TCF7L1: variants seen among roughly 807,000 people sequenced by gnomAD.
The protein encoded by TCF7L1 is transcription factor 7-like 1.
Under a neutral mutation model 63.7 loss-of-function variants are expected in TCF7L1, and 18 were observed. The ratio of observed to expected loss-of-function variants is 0.28; its 90% confidence interval spans 0.20 to 0.42. The LOEUF is 0.42. TCF7L1 is among the 10% of genes least tolerant of loss of function. The pLI is 1.00. For synonymous variants in TCF7L1, 355 were observed against 340.9 expected, an observed-to-expected ratio of 1.04 and a Z score of -0.46; for missense variants, 654 against 779.3, an observed-to-expected ratio of 0.84 and a Z score of 1.91.
intron 3 of TCF7L1, among the ~76,000 whole-genome samples, chr2:85,250,190 T>C (rs1680557431): frequency 6.6e-6 from 1 of 152,136 alleles, no homozygotes; most frequent in African/African-American, 2.4e-5. Context: ...ATGATGTAAA[T>C]ACTCTCCCTG....
intron 3 of TCF7L1, among the ~76,000 whole-genome samples, chr2:85,242,974 A>G (rs146308892): frequency 2.8e-3 from 426 of 152,266 alleles, no homozygotes; most frequent in African/African-American, 9.8e-3. Flanking sequence ...AGCAAGTCTT[A>G]AAGATCTCGA....
At chr2:85,270,783 G>A (rs769548835) in intron 3 of TCF7L1, among the ~76,000 whole-genome samples, 8 of 151,864 alleles carry the variant, frequency 5.3e-5, no homozygotes, top group Middle Eastern at 3.4e-3. Context: ...TCGAGCTCGA[G>A]GGCTGAGTCG....
intron 3 of TCF7L1, among the ~76,000 whole-genome samples, chr2:85,185,764 G>T (rs1678904187): frequency 6.6e-6 from 1 of 152,204 alleles, no homozygotes; most frequent in Non-Finnish European, 1.5e-5. Context: ...GCCTGTGGCG[G>T]GTTTTTGTGA....
rs55964315 is a variant in TCF7L1, at chr2:85,144,417, C to CAAA, written c.441+9982_441+9984dup. Among the ~76,000 whole-genome samples, 115 of 94,860 alleles carry CAAA rather than the reference C, an allele frequency of 1.2e-3. 1 individual carries two copies. Among genetic ancestry groups the CAAA allele is most frequent in the African/African-American group, 3.5e-3 (88 of 25,470 alleles). The allele number at this position is 94,860 out of a possible 152,430, so 62.2% of individuals were successfully genotyped here. A position where few individuals can be genotyped will look rare whatever the true frequency, so the allele number is the denominator to read the frequency against. On this transcript the variant is annotated intron_variant, in intron 3 of 11. Transcript: ENST00000282111. ...GTAACTTGGCAAAACCCTGTCTCTACAAAAAAAAAAAAAAAAACAAAAACC... is the reference window on the plus strand; with the variant it reads ...GTAACTTGGCAAAACCCTGTCTCTACAAAAAAAAAAAAAAAAAAAACAAAAACC...
chr2:85,243,157 C>T (rs1392764111), intron 3 of TCF7L1, among the ~76,000 whole-genome samples: 4 of 152,150 alleles, frequency 2.6e-5, no homozygotes, highest in African/African-American at 7.2e-5. Context: ...CACGCAGTTT[C>T]GAAAGAACTA....
chr2:85,275,716 C>G (rs760417519), intron 3 of TCF7L1, among the ~76,000 whole-genome samples: 8 of 151,870 alleles, frequency 5.3e-5, no homozygotes, highest in African/African-American at 1.9e-4. Flanking sequence ...CTCAGGAGTT[C>G]GAGACCAGCC....
At position 85,309,235 on chromosome 2, in the gene TCF7L1, C is replaced by A. The variant is rs531191876; in HGVS notation, c.1540C>A (p.Gln514Lys). Residue 514 changes from glutamine to lysine, a missense_variant, in exon 12 of 12, where the codon CAG becomes AAG. Transcript: ENST00000282111. ...CACCACCAAACCAGAAACCCGGGCC[C>A]AGCTGGCTCTCCACTCTGCCGCCTT... ...SLTTKPETRA[Q>K]LALHSAAFLS... 1.9e-6 allele frequency: 3 copies of A among 1,614,102 alleles called. No individual in the cohort carries two copies. In the East Asian group the frequency reaches 6.7e-5, roughly 36 times the overall value.
At chr2:85,225,892 A>G (rs1206285927) in intron 3 of TCF7L1, among the ~76,000 whole-genome samples, 20 of 152,248 alleles carry the variant, frequency 1.3e-4, no homozygotes, top group Admixed American at 1.3e-3. Context: ...TTGCTCATTC[A>G]GTATGATATT....
intron 3 of TCF7L1, among the ~76,000 whole-genome samples, chr2:85,215,454 G>A (rs1348564919): frequency 6.6e-6 from 1 of 152,214 alleles, no homozygotes; most frequent in Non-Finnish European, 1.5e-5. Context: ...ACAGTTGGGT[G>A]GGCTCCAGGG....
At position 85,237,481 on chromosome 2, in the gene TCF7L1, T is replaced by C. The variant is rs1376038324; in HGVS notation, c.442-46014T>C. On this transcript the variant is annotated intron_variant, in intron 3 of 11. Transcript: ENST00000282111. The stretch of plus-strand genomic sequence containing the variant: ...CCTTTCCTGGGCTACAGGAAGGCTA[T>C]GTACAACCTGCACAGGCATCCACAG... 2.0e-5 allele frequency among the ~76,000 whole-genome samples: 3 copies of C among 152,108 alleles called. No individual in the cohort carries two copies. In the East Asian group the frequency reaches 5.8e-4, roughly 29 times the overall value.
chr2:85,294,138 G>A (rs1349708494), intron 4 of TCF7L1, among the ~76,000 whole-genome samples: 1 of 145,936 alleles, frequency 6.9e-6, no homozygotes, highest in East Asian at 2.1e-4. Flanking sequence ...CCGGATTCAC[G>A]CCATTCGCCT....
chr2:85,153,403 A>T (rs1368859935), intron 3 of TCF7L1, among the ~76,000 whole-genome samples: 4 of 136,582 alleles, frequency 2.9e-5, no homozygotes, highest in Non-Finnish European at 4.5e-5. Context: ...GTACAGTGGC[A>T]CGATCTTGGC....
chr2:85,264,955 G>A (rs1680934421), intron 3 of TCF7L1, among the ~76,000 whole-genome samples: 1 of 152,190 alleles, frequency 6.6e-6, no homozygotes, highest in African/African-American at 2.4e-5. Context: ...GAGGGCTGCT[G>A]TCAGGTTATA....
chr2:85,226,966 T>C lies in TCF7L1; in HGVS notation c.442-56529T>C, dbSNP rs1184468528. ...AGAACAGTCAGGGCTTGGGTTCAAA[T>C]AGCACCGCTGCCGCCGTTTTACCCT... On this transcript the variant is annotated intron_variant, in intron 3 of 11. Transcript: ENST00000282111. 5.3e-5 allele frequency among the ~76,000 whole-genome samples: 8 copies of C among 152,066 alleles called. 1 individual carries two copies. In the South Asian group the frequency reaches 1.0e-3, roughly 20 times the overall value.
intron 3 of TCF7L1, among the ~76,000 whole-genome samples, chr2:85,257,238 G>A (rs1172802223): frequency 1.3e-5 from 2 of 152,134 alleles, no homozygotes; most frequent in Non-Finnish European, 2.9e-5. Context: ...CCGCACACGA[G>A]ATTTGTGTAC....
intron 3 of TCF7L1, among the ~76,000 whole-genome samples, chr2:85,188,827 G>T (rs1678986438): frequency 6.6e-6 from 1 of 152,190 alleles, no homozygotes; most frequent in African/African-American, 2.4e-5. Flanking sequence ...TAGTAAAACT[G>T]CTACTTGGTC....
intron 4 of TCF7L1, among the ~76,000 whole-genome samples, chr2:85,290,169 C>T (rs7607282): frequency 0.35 from 53,594 of 151,688 alleles, 9,961 homozygotes; most frequent in African/African-American, 0.47. Context: ...TTAGTAGAGA[C>T]GGGGTTTCAC....
chr2:85,207,462 A>AT (rs1679434859), intron 3 of TCF7L1, among the ~76,000 whole-genome samples: 1 of 151,956 alleles, frequency 6.6e-6, no homozygotes, highest in African/African-American at 2.4e-5. Context: ...ATAGCTTTGT[A>AT]TTTTTTTGTA....
chr2:85,228,913 C>T (rs564037359), intron 3 of TCF7L1, among the ~76,000 whole-genome samples: 45 of 147,820 alleles, frequency 3.0e-4, no homozygotes, highest in African/African-American at 9.8e-4. Flanking sequence ...CCCAGCTACT[C>T]GGGAGGCTGA....
Sources: allele counts gnomAD v4.1 joint callset (sites outside exome capture counted in the v4.1 genomes callset), GRCh38; gene constraint gnomAD v4.1.1; transcripts MANE v1.5; gene names NCBI Gene and HGNC (gene_info 2026-07-23, HGNC 2026-07-21).